Variants in NHP2 observed in about 807,000 individuals in gnomAD.
The protein encoded by NHP2 is H/ACA ribonucleoprotein complex subunit 2.
In NHP2, 10 loss-of-function variants were observed where a neutral mutation model predicts 16.7. The ratio of observed to expected loss-of-function variants is 0.60; its 90% confidence interval spans 0.37 to 1.01. The LOEUF is 1.01. Among genes scored for constraint, NHP2 ranks in the 50% least tolerant of loss-of-function variants. The pLI, the probability that NHP2 is intolerant of heterozygous loss-of-function variation, is 0.01. For missense variants in NHP2, 184 were observed against 198.3 expected, an observed-to-expected ratio of 0.93 and a Z score of 0.43; for synonymous variants, 87 against 78.9, an observed-to-expected ratio of 1.10 and a Z score of -0.54.
chr5:178,150,933 C>G lies in NHP2; in HGVS notation c.291G>C (p.Met97Ile). The G allele has an allele frequency of 6.2e-7, 1 of 1,614,182 alleles. No homozygotes were observed. Among genetic ancestry groups the G allele is most frequent in the Non-Finnish European group, 8.5e-7 (1 of 1,180,018 alleles). ...CATAGGGCAAATTTCGGTCCTCACA[C>G]ATGACTGGGAGATGGCAGTATACCT... ...PIEVYCHLPV[M>I]CEDRNLPYVY... Residue 97 changes from methionine (M) to isoleucine (I), a missense_variant, in exon 3 of 4, where the codon ATG (methionine) becomes ATC (isoleucine). Transcript: ENST00000274606.
At chr5:178,151,143 C>A in intron 2 of NHP2, 150 bp from the exon 3 acceptor site, 1 of 732,164 alleles carries the variant, frequency 1.4e-6, no homozygotes, top group Non-Finnish European at 2.5e-6. Flanking sequence ...TGGCAACATA[C>A]AGGTGCCACC....
In NHP2 at chr5:178,149,702, A is replaced by T. The variant is rs200781371; in HGVS notation, c.*11T>A. The T allele has an allele frequency of 6.1e-4, 981 of 1,612,844 alleles. 6 individuals carry two copies. The African/African-American group carries it at 0.012, about 19-fold the overall frequency. On this transcript the variant is annotated 3_prime_UTR_variant, in exon 4 of 4. Transcript: ENST00000274606. ...TTCCAGCGGCAGGTGCCCAGGTGCTACCGGAGCCCCTCATAGGGGTAGGGG... is the reference window on the plus strand; with the variant it reads ...TTCCAGCGGCAGGTGCCCAGGTGCTTCCGGAGCCCCTCATAGGGGTAGGGG...
chr5:178,150,693 A>T, intron 3 of NHP2, 195 bp downstream of exon 3: 1 of 725,564 alleles, frequency 1.4e-6, no homozygotes. Flanking sequence ...TGGGATTCCC[A>T]CTTTACAAGA....
Position 178,153,657 on chromosome 5 carries a change from CCTTT to C in NHP2, c.157_160del (p.Lys53ArgfsTer2). 6.2e-7 allele frequency: 1 copy of C among 1,613,946 alleles called. No homozygotes were observed. The highest frequency in any genetic ancestry group is 8.5e-7 in the Non-Finnish European group (1 of 1,179,882). On this transcript the variant is annotated frameshift_variant and splice_region_variant, in exon 1 of 4. Coordinates refer to ENST00000274606, the MANE Select transcript of NHP2 (RefSeq NM_017838.4). LOFTEE classifies it high-confidence loss of function. Reference sequence around the variant, plus strand: ...CCCGGCCACGCCGCCGTCCGCCTCACCTTTCTTGATGCATTTGTAGAGCTTCCGC... The same window carrying C: ...CCCGGCCACGCCGCCGTCCGCCTCACCTTGATGCATTTGTAGAGCTTCCGC...
In NHP2 at chr5:178,153,661, T is replaced by C; in HGVS notation, c.157A>G (p.Lys53Glu). The C allele has an allele frequency of 6.2e-7, 1 of 1,613,808 alleles. No individual in the cohort carries two copies. Among genetic ancestry groups the C allele is most frequent in the Non-Finnish European group, 8.5e-7 (1 of 1,179,850 alleles). ...LTRKLYKCIK[K>E]AVKQKQIRRG... Reference sequence around the variant, plus strand: ...GCCACGCCGCCGTCCGCCTCACCTTTCTTGATGCATTTGTAGAGCTTCCGC... The same window carrying C: ...GCCACGCCGCCGTCCGCCTCACCTTCCTTGATGCATTTGTAGAGCTTCCGC... The change falls in exon 1 of 4, where the codon AAA (lysine) becomes GAA (glutamate). Residue 53 changes from lysine (K) to glutamate (E), a missense_variant. Transcript: ENST00000274606.
Position 178,150,965 on chromosome 5 carries a change from G to T in NHP2, c.259C>A (p.Pro87Thr), listed in dbSNP as rs370656580. ...GIMVLAGDTL[P>T]IEVYCHLPVM... ...GGGAGATGGCAGTATACCTCAATGG[G>T]CAGTGTGTCTCCTGCCAAAACCATG... The change falls in exon 3 of 4, where the codon CCC becomes ACC. Residue 87 changes from proline to threonine, a missense_variant. Coordinates refer to ENST00000274606, the MANE Select transcript of NHP2 (RefSeq NM_017838.4). The T allele has an allele frequency of 6.2e-7, 1 of 1,613,704 alleles. No homozygotes were observed. Among genetic ancestry groups the T allele is most frequent in the Non-Finnish European group, 8.5e-7 (1 of 1,179,930 alleles).
intron 3 of NHP2, 79 bp downstream of exon 3, chr5:178,150,809 T>C (rs1346615964): frequency 1.1e-6 from 1 of 944,628 alleles, no homozygotes; most frequent in African/African-American, 1.6e-5. Context: ...TCCTGGCTCT[T>C]TCCCACACTC....
intron 2 of NHP2, 118 bp downstream of exon 2, chr5:178,153,373 G>C (rs768126848): frequency 3.4e-4 from 335 of 996,862 alleles, no homozygotes; most frequent in Non-Finnish European, 4.7e-4. Context: ...CCGACTGCTT[G>C]ATTGGCTTCT....
At chr5:178,153,164 G>A (rs757859160) in intron 2 of NHP2, 2 of 439,212 alleles carry the variant, frequency 4.6e-6, no homozygotes, top group Non-Finnish European at 8.4e-6. Context: ...GAGATTCAGG[G>A]CTGAGAGGAT....
Position 178,149,820 on chromosome 5 carries a change from C to T in NHP2, c.355G>A (p.Gly119Ser), listed in dbSNP as rs750874926. ...ATCACACAGGTGGGGCGCTTGGAGCCTGCGGCTGCACCCAGGTCCTACAGA... is the reference window on the plus strand; with the variant it reads ...ATCACACAGGTGGGGCGCTTGGAGCTTGCGGCTGCACCCAGGTCCTACAGA... Reference protein sequence around the residue: ...PSKTDLGAAAGSKRPTCVIMV... With the variant: ...PSKTDLGAAASSKRPTCVIMV... The change falls in exon 4 of 4, where the codon GGC becomes AGC. Residue 119 changes from glycine (G) to serine (S), a missense_variant. By Grantham distance (56) the Gly-to-Ser change is moderately conservative (BLOSUM62 0). Coordinates refer to ENST00000274606, the MANE Select transcript of NHP2 (RefSeq NM_017838.4). 7 of 1,613,656 alleles carry T rather than the reference C, an allele frequency of 4.3e-6. No homozygotes were observed. Among genetic ancestry groups the T allele is most frequent in the Non-Finnish European group, 5.9e-6 (7 of 1,179,806 alleles).
rs200150979 is a variant in NHP2 at position 178,153,675 on chromosome 5, T to C, written c.143A>G (p.Tyr48Cys). 7.6e-5 allele frequency: 122 copies of C among 1,613,882 alleles called. No homozygotes were observed. Among genetic ancestry groups the C allele is most frequent in the East Asian group, 3.6e-4 (16 of 44,884 alleles). ...LASRRLTRKLYKCIKKAVKQK... is the reference protein window; with the variant it reads ...LASRRLTRKLCKCIKKAVKQK... The stretch of plus-strand genomic sequence containing the variant: ...CGCCTCACCTTTCTTGATGCATTTG[T>C]AGAGCTTCCGCGTGAGGCGGCGAGA... The change falls in exon 1 of 4, where the codon TAC becomes TGC. Residue 48 changes from tyrosine (Y) to cysteine (C), a missense_variant. Transcript: ENST00000274606.
Position 178,152,487 on chromosome 5 carries a change from C to G in NHP2, c.230+1004G>C, listed in dbSNP as rs554707911. ...GGTTAGATGCCGTTGAGCATCAAGT[C>G]TGCCCAACATTATTGATCTCTTGAG... On this transcript the variant is annotated intron_variant, in intron 2 of 3. Transcript: ENST00000274606. 9.9e-5 allele frequency among the ~76,000 whole-genome samples: 15 copies of G among 151,972 alleles called. No individual in the cohort carries two copies. In the East Asian group the frequency reaches 2.3e-3, roughly 24 times the overall value.
intron 3 of NHP2, 29 bp downstream of exon 3, chr5:178,150,859 G>C (rs1465431065): frequency 7.0e-7 from 1 of 1,438,408 alleles, no homozygotes; most frequent in East Asian, 2.3e-5. Context: ...CCAGTGCTGA[G>C]CAAGGTCAGG....
At chr5:178,153,036 T>A (rs1384928000) in intron 2 of NHP2, among the ~76,000 whole-genome samples, 1 of 152,238 alleles carries the variant, frequency 6.6e-6, no homozygotes, top group African/African-American at 2.4e-5. Context: ...TGCAGCGAGC[T>A]GTGATCGCAC....
intron 3 of NHP2, 136 bp from the exon 4 acceptor site, chr5:178,149,974 C>G (rs948239156): frequency 2.1e-6 from 2 of 942,972 alleles, no homozygotes; most frequent in African/African-American, 3.3e-5. Flanking sequence ...TTAAAAGCAT[C>G]TTGAATTGGT....
chr5:178,153,221 G>A lies in NHP2; in HGVS notation c.230+270C>T, dbSNP rs959009076. On this transcript the variant is annotated intron_variant, in intron 2 of 3. Coordinates refer to ENST00000274606, the MANE Select transcript of NHP2 (RefSeq NM_017838.4). ...TCTGAGGCAAGGAGCGGAGCCCGGG[G>A]AGGAGGGTCCCTGAATTAATGAAGG... 5.6e-6 allele frequency: 3 copies of A among 539,766 alleles called. No individual in the cohort carries two copies. In the African/African-American group the frequency reaches 5.7e-5, roughly 10 times the overall value. 33.4% of individuals were successfully genotyped at this position (539,766 alleles called of 1,614,324 possible). A position where few individuals can be genotyped will look rare whatever the true frequency, so the allele number is the denominator to read the frequency against.
chr5:178,149,942 T>C, intron 3 of NHP2, 104 bp from the exon 4 acceptor site: 1 of 1,252,536 alleles, frequency 8.0e-7, no homozygotes, highest in East Asian at 2.4e-5. Context: ...CACAACCATG[T>C]TCTGTTCGGT....
At chr5:178,149,928 G>C in intron 3 of NHP2, 90 bp from the exon 4 acceptor site, 1 of 1,410,190 alleles carries the variant, frequency 7.1e-7, no homozygotes, top group Non-Finnish European at 9.9e-7. Flanking sequence ...AGCCTAATCT[G>C]GCCCACAACC....
intron 2 of NHP2, among the ~76,000 whole-genome samples, chr5:178,152,429 G>A (rs1450349804): frequency 6.7e-6 from 1 of 150,302 alleles, no homozygotes; most frequent in Non-Finnish European, 1.5e-5. Context: ...TGACTGCTGA[G>A]GGAAACTTCC....
Sources: allele counts gnomAD v4.1 joint callset (sites outside exome capture counted in the v4.1 genomes callset), GRCh38; gene constraint gnomAD v4.1.1; transcripts MANE v1.5; gene names NCBI Gene and HGNC (gene_info 2026-07-23, HGNC 2026-07-21).